PCMTD1: variants seen among roughly 807,000 people sequenced by gnomAD.
PCMTD1 encodes the protein protein-L-isoaspartate O-methyltransferase domain-containing protein 1.
PCMTD1 carries 12 observed loss-of-function variants against 37.6 expected under a neutral mutation model. That is an observed-to-expected ratio of 0.32 (90% confidence interval 0.20 to 0.52). The LOEUF (loss-of-function observed/expected upper bound fraction) is 0.52, where lower values mean the gene tolerates loss of function less well. PCMTD1 is among the 20% of genes least tolerant of loss of function. The pLI, the probability that PCMTD1 is intolerant of heterozygous loss-of-function variation, is 0.97. For synonymous variants in PCMTD1, 117 were observed against 135.8 expected, an observed-to-expected ratio of 0.86 and a Z score of 0.96; for missense variants, 235 against 421.3, an observed-to-expected ratio of 0.56 and a Z score of 3.87.
intron 5 of PCMTD1, among the ~76,000 whole-genome samples, chr8:51,822,249 A>G (rs2037859499): frequency 6.6e-6 from 1 of 152,218 alleles, no homozygotes; most frequent in South Asian, 2.1e-4. Flanking sequence ...TCCACTAGAA[A>G]TATGAACACA....
At position 51,833,509 on chromosome 8, in the gene PCMTD1, G is replaced by A. The variant is rs1262884725; in HGVS notation, c.582+9C>T. 1 of 1,596,336 alleles carries A rather than the reference G, an allele frequency of 6.3e-7. No homozygotes were observed. The highest frequency in any genetic ancestry group is 8.5e-7 in the Non-Finnish European group (1 of 1,172,018). On this transcript the variant is annotated intron_variant, in intron 4 of 5. Coordinates refer to ENST00000522514, the MANE Select transcript of PCMTD1 (RefSeq NM_052937.4). ...CTAGGCCACTAAAGAAAAGGAGAGT[G>A]GAAGTTACCTGATCCTCTATAGGCA...
intron 1 of PCMTD1, 141 bp downstream of exon 1, chr8:51,898,789 T>G: frequency 1.6e-6 from 1 of 635,420 alleles, no homozygotes; most frequent in East Asian, 6.3e-5. Flanking sequence ...CTGCCCGCCC[T>G]TAAGTCCCCC....
At chr8:51,876,046 C>CTACAATA (rs1293943437) in intron 1 of PCMTD1, among the ~76,000 whole-genome samples, 1 of 152,174 alleles carries the variant, frequency 6.6e-6, no homozygotes, top group Admixed American at 6.5e-5. Context: ...TATAAACTGT[C>CTACAATA]TACAATAGTC....
chr8:51,890,649 C>T (rs898152859), intron 1 of PCMTD1, among the ~76,000 whole-genome samples: 3 of 152,176 alleles, frequency 2.0e-5, no homozygotes, highest in Non-Finnish European at 4.4e-5. Context: ...GCACTACTTA[C>T]GCAGTAGCAG....
intron 1 of PCMTD1, among the ~76,000 whole-genome samples, chr8:51,875,486 C>T (rs2038697014): frequency 6.6e-6 from 1 of 152,164 alleles, no homozygotes. Flanking sequence ...TTTAATGTTA[C>T]TTAATTCACT....
intron 1 of PCMTD1, among the ~76,000 whole-genome samples, chr8:51,874,373 A>G (rs183429524): frequency 2.4e-3 from 360 of 151,252 alleles, no homozygotes; most frequent in Non-Finnish European, 4.5e-3. Flanking sequence ...CAACTCCTTC[A>G]ACATGGAACC....
At chr8:51,831,665 T>TA (rs2038000517) in intron 4 of PCMTD1, 98 bp from the exon 5 acceptor site, 3 of 1,211,874 alleles carry the variant, frequency 2.5e-6, no homozygotes, top group East Asian at 2.5e-5. Flanking sequence ...AACTGCCAGT[T>TA]AGAGCTACAC....
chr8:51,841,926 G>A (rs575688587), intron 3 of PCMTD1, among the ~76,000 whole-genome samples: 3 of 151,928 alleles, frequency 2.0e-5, no homozygotes, highest in South Asian at 2.1e-4. Context: ...CCTCAAGCCC[G>A]TTCATTTTCA....
At chr8:51,824,665 C>G (rs2037897439) in intron 5 of PCMTD1, among the ~76,000 whole-genome samples, 1 of 152,160 alleles carries the variant, frequency 6.6e-6, no homozygotes, top group East Asian at 1.9e-4. Flanking sequence ...CAAGCTACCA[C>G]TGACTTTCTT....
intron 3 of PCMTD1, among the ~76,000 whole-genome samples, chr8:51,837,487 C>G (rs1178916761): frequency 1.3e-5 from 2 of 152,140 alleles, no homozygotes; most frequent in Non-Finnish European, 2.9e-5. Flanking sequence ...GAGAACTCAT[C>G]TGCCAAACAC....
At chr8:51,840,304 T>C (rs953081512) in intron 3 of PCMTD1, among the ~76,000 whole-genome samples, 6 of 152,092 alleles carry the variant, frequency 3.9e-5, no homozygotes, top group Non-Finnish European at 8.8e-5. Context: ...CTCCTAAAAA[T>C]GTGTTTGAAG....
At position 51,857,647 on chromosome 8, in the gene PCMTD1, G is replaced by A. The variant is rs183578010; in HGVS notation, c.307+3198C>T. ...AATCAACTAAGTACTAGATCTTTAC[G>A]AAAACCCTTAGTTCAGGGAAAATAT... is the stretch of plus-strand genomic sequence containing the variant. On this transcript the variant is annotated intron_variant, in intron 2 of 5. Transcript: ENST00000522514. 9.2e-5 allele frequency among the ~76,000 whole-genome samples: 14 copies of A among 152,180 alleles called. No individual in the cohort carries two copies. In the East Asian group the frequency reaches 2.5e-3, roughly 27 times the overall value.
At chr8:51,898,339 A>G (rs1375711486) in intron 1 of PCMTD1, among the ~76,000 whole-genome samples, 1 of 152,062 alleles carries the variant, frequency 6.6e-6, no homozygotes, top group East Asian at 1.9e-4. Context: ...AAACGCGGGC[A>G]CTGCACTTCC....
At chr8:51,821,233 A>G (rs1475961223) in intron 5 of PCMTD1, among the ~76,000 whole-genome samples, 1 of 152,180 alleles carries the variant, frequency 6.6e-6, no homozygotes, top group African/African-American at 2.4e-5. Flanking sequence ...TCAACCACCC[A>G]GGCTCAGGTG....
intron 1 of PCMTD1, among the ~76,000 whole-genome samples, chr8:51,895,251 A>T (rs1017198485): frequency 6.6e-6 from 1 of 152,234 alleles, no homozygotes; most frequent in Admixed American, 6.5e-5. Context: ...AGTTTGTGAA[A>T]GTCACCAAGA....
At chr8:51,855,842 GTAT>G (rs2038380608) in intron 2 of PCMTD1, among the ~76,000 whole-genome samples, 2 of 151,890 alleles carry the variant, frequency 1.3e-5, no homozygotes, top group Admixed American at 1.3e-4. Flanking sequence ...TGATGTGTGT[GTAT>G]TATTAGTAGA....
At chr8:51,844,063 T>C (rs1039333056) in intron 3 of PCMTD1, among the ~76,000 whole-genome samples, 8 of 152,194 alleles carry the variant, frequency 5.3e-5, no homozygotes, top group African/African-American at 1.9e-4. Context: ...AATTCTATAG[T>C]TCTAATTGTA....
chr8:51,823,370 G>A (rs2037876024), intron 5 of PCMTD1, among the ~76,000 whole-genome samples: 1 of 152,170 alleles, frequency 6.6e-6, no homozygotes, highest in South Asian at 2.1e-4. Context: ...AGGCTGAGAT[G>A]GGAGGATCAT....
At chr8:51,848,757 T>C (rs2038260838) in intron 2 of PCMTD1, among the ~76,000 whole-genome samples, 1 of 152,148 alleles carries the variant, frequency 6.6e-6, no homozygotes, top group African/African-American at 2.4e-5. Context: ...ACAATATAAA[T>C]ATACATGCAA....
Sources: allele counts gnomAD v4.1 joint callset (sites outside exome capture counted in the v4.1 genomes callset), GRCh38; gene constraint gnomAD v4.1.1; transcripts MANE v1.5; gene names NCBI Gene and HGNC (gene_info 2026-07-23, HGNC 2026-07-21).